The following ALKBH6 variants were observed in gnomAD, a reference collection of about 807,000 sequenced individuals.
ALKBH6 encodes the protein alkB homolog 6, nucleotide demethylase.
Under a neutral mutation model 25.1 loss-of-function variants are expected in ALKBH6, and 20 were observed. The ratio of observed to expected loss-of-function variants is 0.80; its 90% confidence interval spans 0.56 to 1.16. The LOEUF is 1.16. ALKBH6 is among the 50% of genes most tolerant of loss of function. The pLI, the probability that ALKBH6 is intolerant of heterozygous loss-of-function variation, is 0.00. For missense variants in ALKBH6, 263 were observed against 326.5 expected, an observed-to-expected ratio of 0.81 and a Z score of 1.50; for synonymous variants, 156 against 147.5, an observed-to-expected ratio of 1.06 and a Z score of -0.42.
At chr19:36,012,932 G>T in intron 3 of ALKBH6, 89 bp downstream of exon 3, 2 of 1,329,908 alleles carry the variant, frequency 1.5e-6, no homozygotes, top group Non-Finnish European at 2.2e-6. Flanking sequence ...GGTCTTCACT[G>T]CAGCCTTGGG....
chr19:36,010,670 C>T lies in ALKBH6; in HGVS notation c.350G>A (p.Gly117Glu). The T allele has an allele frequency of 6.2e-7, 1 of 1,613,882 alleles. No homozygotes were observed. The highest frequency in any genetic ancestry group is 2.2e-5 in the East Asian group (1 of 44,882). Residue 117 changes from glycine (G) to glutamate (E), a missense_variant, in exon 6 of 7, where the codon GGA (glycine) becomes GAA (glutamate). Coordinates refer to ENST00000378875, the MANE Select transcript of ALKBH6 (RefSeq NM_032878.5). This position sits in a 1 kb window ranked among gnomAD's most constrained non-coding sequence, Gnocchi z 5.5. ...PGEGIMPHED[G>E]PLYYPTVSTI... ...GCTGACAGTCGGGTAGTACAGTGGT[C>T]CGTCCTCGTGGGGCTAGGGAGTGGG...
rs936712704 is a variant in ALKBH6 at position 36,010,573 on chromosome 19, T to C, written c.447A>G (p.Thr149=). The C allele has an allele frequency of 6.2e-7, 1 of 1,613,628 alleles. No individual in the cohort carries two copies. Among genetic ancestry groups the C allele is most frequent in the African/African-American group, 1.3e-5 (1 of 74,902 alleles). The change falls in exon 6 of 7, where the codon ACA becomes ACG. Residue 149 remains threonine (T), a synonymous_variant. Coordinates refer to ENST00000378875, the MANE Select transcript of ALKBH6 (RefSeq NM_032878.5). The surrounding 1 kb of genome is among the most constrained non-coding windows in gnomAD (Gnocchi z 5.5). Reference sequence around the variant, plus strand: ...GCAGTGTCTGGGGGCCCACCTGTTCTGTAGGGTCATCGTCCTCTGGCCGCC... The same window carrying C: ...GCAGTGTCTGGGGGCCCACCTGTTCCGTAGGGTCATCGTCCTCTGGCCGCC... ...EPRRPEDDDP[T]EQPRPPPRPT...
chr19:36,012,139 G>C (rs1172867057), intron 3 of ALKBH6: 1 of 152,284 alleles, frequency 6.6e-6, no homozygotes. Flanking sequence ...CAGCCTGGGC[G>C]ACAGAGCAAG....
intron 3 of ALKBH6, 104 bp downstream of exon 3, chr19:36,012,917 G>C: frequency 1.8e-6 from 2 of 1,111,810 alleles, no homozygotes; most frequent in Non-Finnish European, 2.7e-6. Flanking sequence ...TGTTCCTTCT[G>C]TCGGGGTCTT....
In ALKBH6 at chr19:36,009,120, G is replaced by T. The variant is rs988374835; in HGVS notation, c.*170C>A. 5 of 1,178,296 alleles carry T rather than the reference G, an allele frequency of 4.2e-6. No individual in the cohort carries two copies. In the African/African-American group the frequency reaches 6.3e-5, roughly 15 times the overall value. 73.0% of individuals were successfully genotyped at this position (1,178,296 alleles called of 1,614,324 possible). A position where few individuals can be genotyped will look rare whatever the true frequency, so the allele number is the denominator to read the frequency against. On this transcript the variant is annotated 3_prime_UTR_variant, in exon 7 of 7. Transcript: ENST00000378875. ...TAAAAAATAAAAATATAAAACCAAG[G>T]AAAGATTTTTTTGTTTATTTGGTAT...
chr19:36,013,897 T>A lies in ALKBH6; in HGVS notation c.-26+278A>T. ...TCCTGTGACCCCAATCTGAGCCTCC[T>A]CAGACATGTCCACCCTCAGCCTCCT... is the stretch of plus-strand genomic sequence containing the variant. On this transcript the variant is annotated intron_variant, in intron 1 of 6. Transcript: ENST00000378875. This position sits in a 1 kb window ranked among gnomAD's most constrained non-coding sequence, Gnocchi z 4.6. The A allele has an allele frequency of 7.6e-7, 1 of 1,321,692 alleles. No homozygotes were observed. Among genetic ancestry groups the A allele is most frequent in the Non-Finnish European group, 9.6e-7 (1 of 1,037,386 alleles). 81.9% of individuals were successfully genotyped at this position (1,321,692 alleles called of 1,614,324 possible).
In ALKBH6 at chr19:36,009,941, A is replaced by G. The variant is rs117396848; in HGVS notation, c.454-388T>C. 1.4e-4 allele frequency among the ~76,000 whole-genome samples: 22 copies of G among 152,246 alleles called. No individual in the cohort carries two copies. In the East Asian group the frequency reaches 4.1e-3, roughly 28 times the overall value. On this transcript the variant is annotated intron_variant, in intron 6 of 6. Transcript: ENST00000378875. ...AGAGAGCATGGCTGAAGCCAGGACC[A>G]GGTGAGGAGAGAGTGAGGCAGAGGT...
chr19:36,011,098 T>C, intron 4 of ALKBH6, 53 bp from the exon 5 acceptor site: 1 of 1,549,740 alleles, frequency 6.5e-7, no homozygotes, highest in South Asian at 1.2e-5. Context: ...AGATCCCCCA[T>C]TAGGGATTCC....
Position 36,013,918 on chromosome 19 carries a change from C to T in ALKBH6, c.-26+257G>A, listed in dbSNP as rs1968701710. The T allele has an allele frequency of 4.4e-6, 6 of 1,369,872 alleles. No homozygotes were observed. Among genetic ancestry groups the T allele is most frequent in the Non-Finnish European group, 5.6e-6 (6 of 1,068,160 alleles). The allele number at this position is 1,369,872 out of a possible 1,614,324, so 84.9% of individuals were successfully genotyped here. On this transcript the variant is annotated intron_variant, in intron 1 of 6. Coordinates refer to ENST00000378875, the MANE Select transcript of ALKBH6 (RefSeq NM_032878.5). This position sits in a 1 kb window ranked among gnomAD's most constrained non-coding sequence, Gnocchi z 4.6. ...CTCCTCAGACATGTCCACCCTCAGC[C>T]TCCTCGGATCCCCCCATTTGGACGC...
chr19:36,010,266 C>T lies in ALKBH6; in HGVS notation c.453+301G>A, dbSNP rs191707333. 2 of 351,878 alleles carry T rather than the reference C, an allele frequency of 5.7e-6. No homozygotes were observed. Among genetic ancestry groups the T allele is most frequent in the East Asian group, 5.7e-5 (1 of 17,568 alleles). 21.8% of individuals were successfully genotyped at this position (351,878 alleles called of 1,614,324 possible). On this transcript the variant is annotated intron_variant, in intron 6 of 6. Transcript: ENST00000378875. This position sits in a 1 kb window ranked among gnomAD's most constrained non-coding sequence, Gnocchi z 5.5. ...ATAGAGCATCTGGGAGGAGGTGAGG[C>T]CCCCCGAGTTAATGGCGGTGGGGTA...
Position 36,010,219 on chromosome 19 carries a change from G to T in ALKBH6, c.453+348C>A, listed in dbSNP as rs1968556915. The T allele has an allele frequency of 3.7e-6, 1 of 267,422 alleles. No homozygotes were observed. The highest frequency in any genetic ancestry group is 7.2e-6 in the Non-Finnish European group (1 of 139,686). 16.6% of individuals were successfully genotyped at this position (267,422 alleles called of 1,614,324 possible). On this transcript the variant is annotated intron_variant, in intron 6 of 6. Transcript: ENST00000378875. This position sits in a 1 kb window ranked among gnomAD's most constrained non-coding sequence, Gnocchi z 5.5. Reference sequence around the variant, plus strand: ...ACATTCCTGGAGTAGCAGGACGTCTGGGGCACCCTGAGCAGGGGCAGATAG... The same window carrying T: ...ACATTCCTGGAGTAGCAGGACGTCTTGGGCACCCTGAGCAGGGGCAGATAG...
intron 3 of ALKBH6, chr19:36,012,040 A>G (rs1286809176): frequency 6.5e-6 from 1 of 152,866 alleles, no homozygotes; most frequent in African/African-American, 2.4e-5. Flanking sequence ...CACGCCTGCA[A>G]TCCAAGCTAC....
rs977079501 is a variant in ALKBH6 at position 36,010,455 on chromosome 19, G to A, written c.453+112C>T. ...ACACCCCATGAGGGGACAAGGGAAGGTATCTGGGAGAGTGCCAGGAGTACC... is the reference window on the plus strand; with the variant it reads ...ACACCCCATGAGGGGACAAGGGAAGATATCTGGGAGAGTGCCAGGAGTACC... On this transcript the variant is annotated intron_variant, in intron 6 of 6. Coordinates refer to ENST00000378875, the MANE Select transcript of ALKBH6 (RefSeq NM_032878.5). The surrounding 1 kb of genome is among the most constrained non-coding windows in gnomAD (Gnocchi z 5.5). 8.8e-6 allele frequency: 8 copies of A among 913,790 alleles called. No homozygotes were observed. In the African/African-American group the frequency reaches 1.1e-4, roughly 13 times the overall value. 56.6% of individuals were successfully genotyped at this position (913,790 alleles called of 1,614,324 possible).
chr19:36,011,146 C>G, intron 4 of ALKBH6, 101 bp from the exon 5 acceptor site: 2 of 1,481,710 alleles, frequency 1.3e-6, no homozygotes, highest in Admixed American at 4.2e-5. Flanking sequence ...TCAGGGACCC[C>G]TGACCGTTTG....
chr19:36,013,245 T>C lies in ALKBH6; in HGVS notation c.54+99A>G, dbSNP rs1266197666. ...ACCAGTGCCATTCCAGAATGGACTC[T>C]GACAGTAAGAATGAATTTGGTGGAA... On this transcript the variant is annotated intron_variant, in intron 2 of 6. Coordinates refer to ENST00000378875, the MANE Select transcript of ALKBH6 (RefSeq NM_032878.5). The surrounding 1 kb of genome is among the most constrained non-coding windows in gnomAD (Gnocchi z 4.6). 1 of 1,524,650 alleles carries C rather than the reference T, an allele frequency of 6.6e-7. No homozygotes were observed. Among genetic ancestry groups the C allele is most frequent in the African/African-American group, 1.4e-5 (1 of 72,984 alleles). 94.4% of individuals were successfully genotyped at this position (1,524,650 alleles called of 1,614,324 possible).
rs768438596 is a variant in ALKBH6 at position 36,012,985 on chromosome 19, G to A, written c.123+36C>T. ...TGGACATTGGGGAGGAATATGGGAA[G>A]AGTGGGAAAACAGACCAGTAGGGCA... is the stretch of plus-strand genomic sequence containing the variant. On this transcript the variant is annotated intron_variant, in intron 3 of 6. Coordinates refer to ENST00000378875, the MANE Select transcript of ALKBH6 (RefSeq NM_032878.5). 3 of 1,579,026 alleles carry A rather than the reference G, an allele frequency of 1.9e-6. No homozygotes were observed. The East Asian group carries it at 6.7e-5, about 35-fold the overall frequency.
In ALKBH6 at chr19:36,010,578, G is replaced by A. The variant is rs61742234; in HGVS notation, c.442C>T (p.Pro148Ser). Reference sequence around the variant, plus strand: ...GTCTGGGGGCCCACCTGTTCTGTAGGGTCATCGTCCTCTGGCCGCCGCGGC... The same window carrying A: ...GTCTGGGGGCCCACCTGTTCTGTAGAGTCATCGTCCTCTGGCCGCCGCGGC... ...YEPRRPEDDD[P>S]TEQPRPPPRP... Residue 148 changes from proline to serine, a missense_variant, in exon 6 of 7, where the codon CCT becomes TCT. By Grantham distance (74) the Pro-to-Ser change is moderately conservative. Transcript: ENST00000378875. The surrounding 1 kb of genome is among the most constrained non-coding windows in gnomAD (Gnocchi z 5.5). 6.2e-7 allele frequency: 1 copy of A among 1,613,820 alleles called. No homozygotes were observed. The highest frequency in any genetic ancestry group is 1.3e-5 in the African/African-American group (1 of 75,006).
chr19:36,009,174 T>C lies in ALKBH6; in HGVS notation c.*116A>G. The C allele has an allele frequency of 2.5e-6, 3 of 1,202,678 alleles. No individual in the cohort carries two copies. The highest frequency in any genetic ancestry group is 3.1e-6 in the Non-Finnish European group (3 of 962,350). The allele number at this position is 1,202,678 out of a possible 1,614,324, so 74.5% of individuals were successfully genotyped here. On this transcript the variant is annotated 3_prime_UTR_variant, in exon 7 of 7. Coordinates refer to ENST00000378875, the MANE Select transcript of ALKBH6 (RefSeq NM_032878.5). ...GTCTTCTGTAGCTCACACAAAATTA[T>C]TGGGAAAATAAATAACCCAGGGGAG...
rs984032389 is a variant in ALKBH6 at position 36,009,694 on chromosome 19, G to A, written c.454-141C>T. On this transcript the variant is annotated intron_variant, in intron 6 of 6. Coordinates refer to ENST00000378875, the MANE Select transcript of ALKBH6 (RefSeq NM_032878.5). ...TGTGCTCACAATGATGGAGGCTTTG[G>A]TGGTTCAGGAGTGAAAATTGCTGGG... 6 of 611,202 alleles carry A rather than the reference G, an allele frequency of 9.8e-6. No individual in the cohort carries two copies. In the African/African-American group the frequency reaches 1.1e-4, roughly 12 times the overall value. 37.9% of individuals were successfully genotyped at this position (611,202 alleles called of 1,614,324 possible). A position where few individuals can be genotyped will look rare whatever the true frequency, so the allele number is the denominator to read the frequency against.
Sources: gnomAD v4.1 joint callset for allele counts (sites outside exome capture counted in the v4.1 genomes callset) on GRCh38, gnomAD v4.1.1 for gene constraint, Gnocchi (gnomAD v3.1) non-coding constraint, MANE v1.5 for transcripts, NCBI Gene and HGNC (gene_info 2026-07-23, HGNC 2026-07-21) for gene names.